Variants in TNC observed in about 807,000 individuals in gnomAD.
TNC encodes tenascin.
Under a neutral mutation model 202.4 loss-of-function variants are expected in TNC, and 109 were observed. The ratio of observed to expected loss-of-function variants is 0.54; its 90% confidence interval spans 0.46 to 0.63. The LOEUF is 0.63. Among genes scored for constraint, TNC ranks in the 30% least tolerant of loss-of-function variants. TNC has a pLI of 0.00. For synonymous variants in TNC, 1,007 were observed against 1,089.7 expected (o/e 0.92, Z 1.50); for missense variants, 2,756 against 2,833.3 (o/e 0.97, Z 0.62).
chr9:115,080,650 C>T (rs1029539188), intron 6 of TNC, among the ~76,000 whole-genome samples: 27 of 152,122 alleles, frequency 1.8e-4, no homozygotes, highest in African/African-American at 6.5e-4. Flanking sequence ...GTGGCTCACG[C>T]CTGTAATCCT....
intron 10 of TNC, among the ~76,000 whole-genome samples, chr9:115,071,062 T>C (rs775512261): frequency 5.9e-5 from 9 of 152,228 alleles, no homozygotes; most frequent in Non-Finnish European, 7.3e-5. Flanking sequence ...CAGTGTCTGT[T>C]TGTTCGCTAC....
At chr9:115,093,908 G>T (rs1372004030) in intron 1 of TNC, among the ~76,000 whole-genome samples, 1 of 152,086 alleles carries the variant, frequency 6.6e-6, no homozygotes, top group Non-Finnish European at 1.5e-5. Flanking sequence ...TTTCCTATTG[G>T]CTCATGGTGG....
chr9:115,067,183 C>T (rs1261642468), intron 10 of TNC, among the ~76,000 whole-genome samples: 3 of 152,222 alleles, frequency 2.0e-5, no homozygotes, highest in Non-Finnish European at 2.9e-5. Flanking sequence ...AGTGATTATA[C>T]CCTTGACATT....
intron 25 of TNC, among the ~76,000 whole-genome samples, chr9:115,027,207 G>A (rs767573348): frequency 1.1e-4 from 16 of 151,992 alleles, no homozygotes; most frequent in Admixed American, 2.0e-4. Context: ...AGGTAAAATC[G>A]GGTTGACATT....
Position 115,036,164 on chromosome 9 carries a change from T to C in TNC, c.5590A>G (p.Thr1864Ala), listed in dbSNP as rs1482839149. 2.5e-6 allele frequency: 4 copies of C among 1,614,184 alleles called. No homozygotes were observed. Among genetic ancestry groups the C allele is most frequent in the East Asian group, 2.2e-5 (1 of 44,890 alleles). The change falls in exon 21 of 28, where the codon ACA (threonine) becomes GCA (alanine). Residue 1864 changes from threonine to alanine, a missense_variant. This residue lies in a region of TNC where 2,559 missense variants were observed against 2,546.0 expected (regional missense o/e 1.01). Transcript: ENST00000350763. The part of the protein sequence containing the change: ...LTDLEPATEY[T>A]LRIFAEKGPQ... ...CCTTTCTCTGCAAAGATTCTCAGTG[T>C]GTATTCCGTGGCAGGCTCGAGGTCG...
intron 1 of TNC, among the ~76,000 whole-genome samples, chr9:115,099,632 C>T (rs555075752): frequency 4.6e-5 from 7 of 152,280 alleles, no homozygotes; most frequent in South Asian, 2.1e-4. Flanking sequence ...ATCAACTGCA[C>T]AATAAAGTTC....
intron 17 of TNC, among the ~76,000 whole-genome samples, chr9:115,045,822 T>C (rs1831145663): frequency 6.6e-6 from 1 of 152,072 alleles, no homozygotes; most frequent in Admixed American, 6.6e-5. Context: ...TCATAAACAG[T>C]AGCATGTTAA....
intron 25 of TNC, among the ~76,000 whole-genome samples, chr9:115,028,924 G>GAAAA (rs57737243): frequency 9.4e-5 from 6 of 63,964 alleles, no homozygotes; most frequent in African/African-American, 1.9e-4. Context: ...CATTATCTCT[G>GAAAA]AAAAAAAAAA....
At chr9:115,076,173 C>A (rs932452343) in intron 8 of TNC, 52 bp from the exon 9 acceptor site, 1 of 1,576,958 alleles carries the variant, frequency 6.3e-7, no homozygotes, top group Admixed American at 1.7e-5. Flanking sequence ...GAGAGACTTT[C>A]AGAGGATGAT....
At chr9:115,033,887 G>A (rs1045578688) in intron 22 of TNC, among the ~76,000 whole-genome samples, 8 of 152,208 alleles carry the variant, frequency 5.3e-5, no homozygotes, top group Non-Finnish European at 8.8e-5. Flanking sequence ...GGTTAACTAA[G>A]GAGCATGGGC....
chr9:115,041,678 C>G (rs576952366), intron 18 of TNC, among the ~76,000 whole-genome samples: 1 of 152,182 alleles, frequency 6.6e-6, no homozygotes, highest in Admixed American at 6.5e-5. Flanking sequence ...ACCATCCTCT[C>G]TTTATACACT....
At chr9:115,048,592 C>A (rs774955242) in intron 15 of TNC, 60 bp from the exon 16 acceptor site, 20 of 1,510,510 alleles carry the variant, frequency 1.3e-5, no homozygotes, top group Non-Finnish European at 1.8e-5. Flanking sequence ...GTCAGGATAG[C>A]ACACGTTTCC....
chr9:115,109,458 A>G (rs185176682), intron 1 of TNC, among the ~76,000 whole-genome samples: 2 of 152,250 alleles, frequency 1.3e-5, no homozygotes, highest in Admixed American at 1.3e-4. Flanking sequence ...CCAAAGTCAT[A>G]CTCTTAACCA....
intron 1 of TNC, among the ~76,000 whole-genome samples, chr9:115,102,374 G>T (rs573077298): frequency 6.6e-6 from 1 of 152,206 alleles, no homozygotes; most frequent in South Asian, 2.1e-4. Flanking sequence ...GGCTGCTGTG[G>T]AGATGAAGCA....
chr9:115,066,474 G>C (rs1322312968), intron 10 of TNC, among the ~76,000 whole-genome samples: 2 of 152,192 alleles, frequency 1.3e-5, no homozygotes, highest in East Asian at 3.8e-4. Context: ...CTTGGAATTT[G>C]ATTGAGGATA....
At chr9:115,105,454 C>T (rs1461026623) in intron 1 of TNC, among the ~76,000 whole-genome samples, 2 of 152,136 alleles carry the variant, frequency 1.3e-5, no homozygotes, top group African/African-American at 4.8e-5. Flanking sequence ...GAGGAGAAAA[C>T]TGAGGCTCAC....
At position 115,084,377 on chromosome 9, in the gene TNC, C is replaced by G. The variant is rs375442356; in HGVS notation, c.1963G>C (p.Val655Leu). 1.2e-6 allele frequency: 2 copies of G among 1,614,072 alleles called. No individual in the cohort carries two copies. The highest frequency in any genetic ancestry group is 2.7e-5 in the African/African-American group (2 of 74,932). Residue 655 changes from valine to leucine, a missense_variant, in exon 4 of 28, where the codon GTG becomes CTG. Physicochemically the swap from Val to Leu is conservative, Grantham distance 32. Around this residue, in one of 2 missense-constraint regions of TNC, gnomAD observed 2,559 missense variants for 2,546.0 expected, o/e 1.01. Transcript: ENST00000350763. Reference sequence around the variant, plus strand: ...CCACCCTCGTGGGTGGGCGTGTACACGACAAGGTACTCTGTGACCCGCATC... The same window carrying G: ...CCACCCTCGTGGGTGGGCGTGTACAGGACAAGGTACTCTGTGACCCGCATC... The part of the protein sequence containing the change: ...NEMRVTEYLV[V>L]YTPTHEGGLE...
chr9:115,020,570 C>A lies in TNC; in HGVS notation c.*587G>T, dbSNP rs1277517245. 4.7e-5 allele frequency: 12 copies of A among 254,320 alleles called. No individual in the cohort carries two copies. The highest frequency in any genetic ancestry group is 8.0e-5 in the Non-Finnish European group (10 of 125,444). 15.8% of individuals were successfully genotyped at this position (254,320 alleles called of 1,614,324 possible). ...TGTGCTTTTATTTAAAAAAAAAATA[C>A]AATCAGGTACTGTCCAGAAATGTTT... On this transcript the variant is annotated 3_prime_UTR_variant, in exon 28 of 28. Transcript: ENST00000350763.
At chr9:115,107,395 T>C (rs547790480) in intron 1 of TNC, among the ~76,000 whole-genome samples, 31 of 152,192 alleles carry the variant, frequency 2.0e-4, no homozygotes, top group Non-Finnish European at 3.5e-4. Context: ...TGCTGGAATA[T>C]AGTAGTTATT....
Sources: allele counts gnomAD v4.1 joint callset (sites outside exome capture counted in the v4.1 genomes callset), GRCh38; gene constraint gnomAD v4.1.1; regional missense constraint gnomAD v4.1.1; transcripts MANE v1.5; gene names NCBI Gene and HGNC (gene_info 2026-07-23, HGNC 2026-07-21).